The following CLASRP variants were observed in gnomAD, a reference collection of about 807,000 sequenced individuals.
CLASRP encodes the protein CLK4 associating serine/arginine rich protein, also known as CLK4-associating serine/arginine rich protein.
Under a neutral mutation model 99.9 loss-of-function variants are expected in CLASRP, and 52 were observed. The observed-to-expected ratio is 0.52, with a 90% CI of 0.42 to 0.66. The LOEUF (loss-of-function observed/expected upper bound fraction) is 0.66, where lower values mean the gene tolerates loss of function less well. Ranked by LOEUF, CLASRP falls within the 30% of genes least tolerant of loss-of-function variation. The pLI, the probability that CLASRP is intolerant of heterozygous loss-of-function variation, is 0.00. For missense variants in CLASRP, 848 were observed against 999.2 expected (o/e 0.85, Z 2.04); for synonymous variants, 379 against 373.0 (o/e 1.02, Z -0.18).
At position 45,057,760 on chromosome 19, in the gene CLASRP, A is replaced by G; in HGVS notation, c.475A>G (p.Lys159Glu). 6.2e-7 allele frequency: 1 copy of G among 1,614,002 alleles called. No individual in the cohort carries two copies. The highest frequency in any genetic ancestry group is 8.5e-7 in the Non-Finnish European group (1 of 1,179,904). Residue 159 changes from lysine (K) to glutamate (E), a missense_variant, in exon 7 of 21, where the codon AAG (lysine) becomes GAG (glutamate). Coordinates refer to ENST00000221455, the MANE Select transcript of CLASRP (RefSeq NM_007056.3). ...GCTCCCCTTTCTCAGGCTGGCAGAG[A>G]AGAAGGCTTCCATCGGTTATACCTA... is the stretch of plus-strand genomic sequence containing the variant. ...SEDEKKKLAE[K>E]KASIGYTYED...
chr19:45,050,013 C>T (rs183939718), intron 2 of CLASRP, among the ~76,000 whole-genome samples: 6 of 152,204 alleles, frequency 3.9e-5, no homozygotes, highest in Admixed American at 1.3e-4. Flanking sequence ...TCACTGAGGA[C>T]GGCTTTTAGG....
rs1382954814 is a variant in CLASRP at position 45,064,592 on chromosome 19, CGCCCGGCGTGGT to C, written c.1373_1384del (p.Ala458_Gly461del). 1 of 1,546,730 alleles carries C rather than the reference CGCCCGGCGTGGT, an allele frequency of 6.5e-7. No homozygotes were observed. Among genetic ancestry groups the C allele is most frequent in the Non-Finnish European group, 8.7e-7 (1 of 1,151,578 alleles). On this transcript the variant is annotated inframe_deletion, in exon 13 of 21. Transcript: ENST00000221455. ...ACGGACACCGGTACTCCCGCTCGCCCGCCCGGCGTGGTGGTTACGGGCCCCGGCGCAGAAGCA... is the reference window on the plus strand; with the variant it reads ...ACGGACACCGGTACTCCCGCTCGCCCGGTTACGGGCCCCGGCGCAGAAGCA...
intron 19 of CLASRP, 48 bp from the exon 20 acceptor site, chr19:45,070,489 C>T: frequency 3.1e-6 from 5 of 1,594,540 alleles, no homozygotes; most frequent in Non-Finnish European, 4.3e-6. Context: ...AGGAAGAGGC[C>T]CTGGCCCTGG....
rs374480837 is a variant in CLASRP, at chr19:45,064,513, G to C, written c.1292G>C (p.Arg431Pro). ...TCCCGCTCCCGCTCCCGCTCCCGGC[G>C]CTATTCCCGGTCCCGTAGCCGTGGC... ...SWSRSRSRSR[R>P]YSRSRSRGRR... The change falls in exon 13 of 21, where the codon CGC (arginine) becomes CCC (proline). Residue 431 changes from arginine to proline, a missense_variant. By Grantham distance (103) the Arg-to-Pro change is moderately radical (BLOSUM62 -2). Coordinates refer to ENST00000221455, the MANE Select transcript of CLASRP (RefSeq NM_007056.3). 2 of 1,535,554 alleles carry C rather than the reference G, an allele frequency of 1.3e-6. No homozygotes were observed. The highest frequency in any genetic ancestry group is 2.4e-5 in the East Asian group (1 of 40,854).
chr19:45,063,436 CTTTTTTTTT>C (rs565600159), intron 11 of CLASRP, among the ~76,000 whole-genome samples: 9 of 42,348 alleles, frequency 2.1e-4, no homozygotes, highest in South Asian at 1.0e-3. Context: ...ATCTGCTTAT[CTTTTTTTTT>C]TTTTTTTTTT....
intron 2 of CLASRP, chr19:45,047,521 G>T (rs562038330): frequency 5.9e-5 from 9 of 151,836 alleles, no homozygotes; most frequent in African/African-American, 2.2e-4. Context: ...TGGCCACTGT[G>T]CAAGGATGAC....
rs1967042584 is a variant in CLASRP at position 45,064,699 on chromosome 19, G to A, written c.1409+69G>A. On this transcript the variant is annotated intron_variant, in intron 13 of 20. Coordinates refer to ENST00000221455, the MANE Select transcript of CLASRP (RefSeq NM_007056.3). ...CGGTCTCCGATCCTGGGGAGAAGGT[G>A]CTCAGAGGGAGGAAACCTGGCCGTC... 3.4e-6 allele frequency: 5 copies of A among 1,469,170 alleles called. No homozygotes were observed. The Admixed American group carries it at 1.2e-4, about 34-fold the overall frequency. 91.0% of individuals were successfully genotyped at this position (1,469,170 alleles called of 1,614,324 possible).
intron 2 of CLASRP, among the ~76,000 whole-genome samples, chr19:45,043,999 A>C (rs1164293090): frequency 6.6e-6 from 1 of 151,912 alleles, no homozygotes; most frequent in Non-Finnish European, 1.5e-5. Context: ...CTCCTGCCTT[A>C]GCCTCCCAAG....
intron 18 of CLASRP, chr19:45,069,683 C>T: frequency 2.3e-6 from 1 of 438,936 alleles, no homozygotes. Context: ...GGAGGAGGCA[C>T]CCAGTAGACG....
chr19:45,066,373 C>T lies in CLASRP; in HGVS notation c.1410-964C>T, dbSNP rs572415484. Among the ~76,000 whole-genome samples the T allele has an allele frequency of 2.4e-4, 37 of 152,270 alleles. 1 individual carries two copies. Among genetic ancestry groups the T allele is most frequent in the Non-Finnish European group, 4.3e-4 (29 of 68,016 alleles). On this transcript the variant is annotated intron_variant, in intron 13 of 20. Transcript: ENST00000221455. The stretch of plus-strand genomic sequence containing the variant: ...GACCTCATGATCCACCCACCTTTGC[C>T]TCCCAAAGTGCTGGGATTACAGGCG...
Position 45,064,224 on chromosome 19 carries a change from C to G in CLASRP, c.1118C>G (p.Ala373Gly). The change falls in exon 12 of 21, where the codon GCC becomes GGC. Residue 373 changes from alanine (A) to glycine (G), a missense_variant. Physicochemically the swap from Ala to Gly is moderately conservative, Grantham distance 60. This residue lies in a region of CLASRP where 489 missense variants were observed against 434.7 expected (regional missense o/e 1.12). Coordinates refer to ENST00000221455, the MANE Select transcript of CLASRP (RefSeq NM_007056.3). ...CCCGCCCCGGGACGTAATGCCAGCG[C>G]CCGGTCGGTAACGCTCACGCCGCCC... is the stretch of plus-strand genomic sequence containing the variant. ...GGPAPGRNASARRRSSSSSSS... is the reference protein window; with the variant it reads ...GGPAPGRNASGRRRSSSSSSS... 2 of 1,589,880 alleles carry G rather than the reference C, an allele frequency of 1.3e-6. No individual in the cohort carries two copies. Among genetic ancestry groups the G allele is most frequent in the Non-Finnish European group, 1.7e-6 (2 of 1,169,614 alleles).
At position 45,064,025 on chromosome 19, in the gene CLASRP, T is replaced by G. The variant is rs774564583; in HGVS notation, c.919T>G (p.Ser307Ala). The G allele has an allele frequency of 1.4e-5, 22 of 1,611,152 alleles. No homozygotes were observed. Among genetic ancestry groups the G allele is most frequent in the Non-Finnish European group, 1.7e-5 (20 of 1,179,366 alleles). Residue 307 changes from serine to alanine, a missense_variant, in exon 12 of 21, where the codon TCC becomes GCC. Coordinates refer to ENST00000221455, the MANE Select transcript of CLASRP (RefSeq NM_007056.3). The stretch of plus-strand genomic sequence containing the variant: ...CCCTACCCGCAGGTCACCCTCGGAG[T>G]CCAGCTCAGAGTCCCGCTCCCGCTC... ...YDPYKRSPSESSSESRSRSRS... is the reference protein window; with the variant it reads ...YDPYKRSPSEASSESRSRSRS...
At chr19:45,050,995 C>T (rs1474907964) in intron 2 of CLASRP, among the ~76,000 whole-genome samples, 4 of 151,800 alleles carry the variant, frequency 2.6e-5, no homozygotes, top group African/African-American at 4.8e-5. Context: ...CTGGGATTAC[C>T]GGCGTGAGCC....
chr19:45,055,624 G>A (rs1479655904), intron 5 of CLASRP, among the ~76,000 whole-genome samples: 1 of 152,026 alleles, frequency 6.6e-6, no homozygotes, highest in Non-Finnish European at 1.5e-5. Context: ...ACCTGAGGTC[G>A]GGAGTTCGAG....
intron 18 of CLASRP, 46 bp downstream of exon 18, chr19:45,069,294 G>T: frequency 6.3e-7 from 1 of 1,590,940 alleles, no homozygotes; most frequent in Non-Finnish European, 8.6e-7. Context: ...CTCCTGGCCT[G>T]CCTGGCCTTC....
intron 2 of CLASRP, among the ~76,000 whole-genome samples, chr19:45,043,411 C>CAAAA (rs34898629): frequency 3.1e-4 from 25 of 81,754 alleles, no homozygotes; most frequent in African/African-American, 1.2e-3. Flanking sequence ...GACTCCGTCC[C>CAAAA]AAAAAAAAAA....
At chr19:45,056,903 G>C (rs1972129159) in intron 6 of CLASRP, among the ~76,000 whole-genome samples, 1 of 152,204 alleles carries the variant, frequency 6.6e-6, no homozygotes, top group Non-Finnish European at 1.5e-5. Context: ...GAGGCATGCA[G>C]GAGATGGGGC....
chr19:45,059,148 C>T, intron 7 of CLASRP, 120 bp from the exon 8 acceptor site: 2 of 806,370 alleles, frequency 2.5e-6, no homozygotes, highest in East Asian at 2.7e-5. Flanking sequence ...GATGCCATCC[C>T]TTCCTGAAGA....
chr19:45,051,632 G>C (rs1480178640), intron 2 of CLASRP, among the ~76,000 whole-genome samples: 1 of 152,134 alleles, frequency 6.6e-6, no homozygotes, highest in Admixed American at 6.6e-5. Flanking sequence ...AAGGTTAGCA[G>C]GTTGGTTCAC....
Sources: allele counts gnomAD v4.1 joint callset (sites outside exome capture counted in the v4.1 genomes callset), GRCh38; gene constraint gnomAD v4.1.1; regional missense constraint gnomAD v4.1.1; transcripts MANE v1.5; gene names NCBI Gene and HGNC (gene_info 2026-07-23, HGNC 2026-07-21).